The following MAML3 variants were observed in gnomAD, a reference collection of about 807,000 sequenced individuals.
MAML3 encodes the protein mastermind like transcriptional coactivator 3, also known as mastermind-like protein 3.
Under a neutral mutation model 101.9 loss-of-function variants are expected in MAML3, and 27 were observed. The observed-to-expected ratio is 0.27, with a 90% CI of 0.20 to 0.37. MAML3 has a LOEUF of 0.37. MAML3 is among the 10% of genes least tolerant of loss of function. The pLI, the probability that MAML3 is intolerant of heterozygous loss-of-function variation, is 1.00. For missense variants in MAML3, 1,316 were observed against 1,444.9 expected (o/e 0.91, Z 1.45); for synonymous variants, 501 against 555.9 (o/e 0.90, Z 1.39).
At chr4:140,102,715 C>T (rs1159913602) in intron 1 of MAML3, among the ~76,000 whole-genome samples, 1 of 151,972 alleles carries the variant, frequency 6.6e-6, no homozygotes, top group African/African-American at 2.4e-5. Flanking sequence ...ATCACCAAGC[C>T]AGTCAGTGCA....
chr4:139,801,195 G>A (rs1271754853), intron 2 of MAML3, among the ~76,000 whole-genome samples: 31 of 152,264 alleles, frequency 2.0e-4, no homozygotes, highest in Admixed American at 2.0e-3. Context: ...AGAGGACACT[G>A]AGTTGCCTGA....
intron 2 of MAML3, among the ~76,000 whole-genome samples, chr4:139,812,443 AG>A (rs1730822451): frequency 1.3e-5 from 2 of 152,134 alleles, no homozygotes; most frequent in Admixed American, 1.3e-4. Flanking sequence ...CCACCCTAAA[AG>A]GGTTGGTGGT....
At chr4:139,722,141 A>G (rs1560768397) in intron 4 of MAML3, among the ~76,000 whole-genome samples, 1 of 152,226 alleles carries the variant, frequency 6.6e-6, no homozygotes, top group Non-Finnish European at 1.5e-5. Context: ...TTTGTGAATG[A>G]GAAATAGGTT....
chr4:140,121,565 T>C (rs1051138551), intron 1 of MAML3, among the ~76,000 whole-genome samples: 2 of 152,250 alleles, frequency 1.3e-5, no homozygotes, highest in Non-Finnish European at 2.9e-5. Flanking sequence ...TGATTTAGCC[T>C]ACGCTGATAC....
intron 1 of MAML3, among the ~76,000 whole-genome samples, chr4:139,921,576 CATAATGAG>C (rs1447283109): frequency 6.6e-6 from 1 of 152,148 alleles, no homozygotes; most frequent in African/African-American, 2.4e-5. Context: ...GCAATTCTAA[CATAATGAG>C]ATATTAATGA....
intron 1 of MAML3, among the ~76,000 whole-genome samples, chr4:140,063,289 G>A (rs1727477565): frequency 6.6e-6 from 1 of 152,202 alleles, no homozygotes; most frequent in South Asian, 2.1e-4. Flanking sequence ...GAGAGGGAAT[G>A]AAAGCCACAG....
intron 2 of MAML3, among the ~76,000 whole-genome samples, chr4:139,747,500 C>T (rs966647494): frequency 3.3e-5 from 5 of 152,142 alleles, no homozygotes; most frequent in African/African-American, 1.2e-4. Context: ...TCAAGACCAG[C>T]ATGGCCAACA....
chr4:139,774,656 T>C (rs1327264919), intron 2 of MAML3, among the ~76,000 whole-genome samples: 1 of 152,116 alleles, frequency 6.6e-6, no homozygotes, highest in Non-Finnish European at 1.5e-5. Context: ...GAGAAAAAAA[T>C]TGACGGAGGG....
rs1019193408 is a variant in MAML3 at position 139,718,577 on chromosome 4, AC to A, written c.*745del. ...TCCAGCCCCACCTGGAGGGACTGCC[AC>A]CAGGGGCACCAGCAGAGGGAAGCCG... On this transcript the variant is annotated 3_prime_UTR_variant, in exon 5 of 5. Transcript: ENST00000509479. 42 of 152,560 alleles carry A rather than the reference AC, an allele frequency of 2.8e-4. No homozygotes were observed. The highest frequency in any genetic ancestry group is 9.9e-4 in the African/African-American group (41 of 41,566). The allele number at this position is 152,560 out of a possible 1,614,324, so 9.5% of individuals were successfully genotyped here. A position where few individuals can be genotyped will look rare whatever the true frequency, so the allele number is the denominator to read the frequency against.
At chr4:139,753,806 G>A (rs1041341435) in intron 2 of MAML3, among the ~76,000 whole-genome samples, 4 of 152,204 alleles carry the variant, frequency 2.6e-5, no homozygotes, top group Admixed American at 6.5e-5. Flanking sequence ...CAGACACAGC[G>A]CTGGACACCA....
chr4:140,115,626 A>AT (rs1398406634), intron 1 of MAML3, among the ~76,000 whole-genome samples: 2 of 152,166 alleles, frequency 1.3e-5, no homozygotes, highest in African/African-American at 4.8e-5. Flanking sequence ...ACATAAGTTC[A>AT]TTTTTTGGTG....
intron 1 of MAML3, among the ~76,000 whole-genome samples, chr4:139,916,563 G>A (rs1386921402): frequency 2.0e-5 from 3 of 152,164 alleles, no homozygotes; most frequent in East Asian, 1.9e-4. Context: ...AATCCTGCTC[G>A]TAAGCATGTA....
At chr4:139,861,889 A>G (rs1182367176) in intron 2 of MAML3, among the ~76,000 whole-genome samples, 1 of 152,130 alleles carries the variant, frequency 6.6e-6, no homozygotes, top group Non-Finnish European at 1.5e-5. Context: ...TCATCTGCAC[A>G]CTGGAATCGC....
At chr4:140,092,757 G>C (rs1410577616) in intron 1 of MAML3, among the ~76,000 whole-genome samples, 2 of 152,160 alleles carry the variant, frequency 1.3e-5, no homozygotes, top group Non-Finnish European at 2.9e-5. Flanking sequence ...TGGGAGCTTG[G>C]AAGGTATTCT....
At chr4:140,140,708 C>T (rs936825809) in intron 1 of MAML3, among the ~76,000 whole-genome samples, 24 of 152,232 alleles carry the variant, frequency 1.6e-4, no homozygotes, top group Non-Finnish European at 2.4e-4. Context: ...CGCCGAATCA[C>T]GTACATTCCC....
chr4:139,994,439 A>C (rs1000661763), intron 1 of MAML3, among the ~76,000 whole-genome samples: 2 of 152,184 alleles, frequency 1.3e-5, no homozygotes, highest in African/African-American at 4.8e-5. Context: ...CTGAAGCAGG[A>C]GGATTGCTTG....
At chr4:140,008,098 A>C (rs1400322854) in intron 1 of MAML3, among the ~76,000 whole-genome samples, 1 of 152,240 alleles carries the variant, frequency 6.6e-6, no homozygotes, top group African/African-American at 2.4e-5. Context: ...TAATCCCAGC[A>C]CTTTGGGAGG....
In MAML3 at chr4:139,785,401, G is replaced by A. The variant is rs1264146541; in HGVS notation, c.2080-54734C>T. 6.6e-6 allele frequency among the ~76,000 whole-genome samples: 1 copy of A among 152,238 alleles called. No homozygotes were observed. Among genetic ancestry groups the A allele is most frequent in the Non-Finnish European group, 1.5e-5 (1 of 68,042 alleles). The stretch of plus-strand genomic sequence containing the variant: ...ATTCCCCTGGAAGGGCTGTGAAGGA[G>A]GAATATAATGGTTCCCTATGCTTGC... On this transcript the variant is annotated intron_variant, in intron 2 of 4. Coordinates refer to ENST00000509479, the MANE Select transcript of MAML3 (RefSeq NM_018717.5). The surrounding 1 kb of genome is among the most constrained non-coding windows in gnomAD (Gnocchi z 4.3).
In MAML3 at chr4:139,835,506, A is replaced by T. The variant is rs1368255175; in HGVS notation, c.2079+53851T>A. On this transcript the variant is annotated intron_variant, in intron 2 of 4. Transcript: ENST00000509479. ...ACAGACTAGTCCATAACTGAGGTTAAAAGTCCATTCTGGTGTGGGTCCTAA... is the reference window on the plus strand; with the variant it reads ...ACAGACTAGTCCATAACTGAGGTTATAAGTCCATTCTGGTGTGGGTCCTAA... Among the ~76,000 whole-genome samples, 4 of 152,374 alleles carry T rather than the reference A, an allele frequency of 2.6e-5. No individual in the cohort carries two copies. In the East Asian group the frequency reaches 7.7e-4, roughly 29 times the overall value.
Sources: allele counts gnomAD v4.1 joint callset (sites outside exome capture counted in the v4.1 genomes callset), GRCh38; gene constraint gnomAD v4.1.1; non-coding constraint Gnocchi (gnomAD v3.1); transcripts MANE v1.5; gene names NCBI Gene and HGNC (gene_info 2026-07-23, HGNC 2026-07-21).